The following VPS53 variants were observed in gnomAD, a reference collection of about 807,000 sequenced individuals.
The protein encoded by VPS53 is vacuolar protein sorting-associated protein 53 homolog.
VPS53 carries 70 observed loss-of-function variants against 107.0 expected under a neutral mutation model. That is an observed-to-expected ratio of 0.65 (90% CI 0.54 to 0.80). The LOEUF (loss-of-function observed/expected upper bound fraction) is 0.80, where lower values mean the gene tolerates loss of function less well. Among genes scored for constraint, VPS53 ranks in the 30% least tolerant of loss-of-function variants. The pLI, the probability that VPS53 is intolerant of heterozygous loss-of-function variation, is 0.00. For synonymous variants in VPS53, 409 were observed against 393.3 expected (o/e 1.04, Z -0.47); for missense variants, 917 against 1,049.4 (o/e 0.87, Z 1.74).
chr17:601,387 C>T (rs571530716), intron 12 of VPS53, among the ~76,000 whole-genome samples: 2 of 152,374 alleles, frequency 1.3e-5, no homozygotes, highest in East Asian at 3.9e-4. Context: ...TCAGCTTACA[C>T]TGCATGGAGG....
intron 4 of VPS53, among the ~76,000 whole-genome samples, chr17:669,284 C>T (rs1028081651): frequency 2.0e-5 from 3 of 152,138 alleles, no homozygotes; most frequent in Non-Finnish European, 4.4e-5. Context: ...TGTCCCTAGA[C>T]ACTTTTTAAA....
chr17:533,001 A>G (rs542521126), intron 18 of VPS53, 90 bp from the exon 19 acceptor site: 15 of 1,513,650 alleles, frequency 9.9e-6, no homozygotes, highest in Admixed American at 2.2e-5. Context: ...TCTCCATGAA[A>G]AAACCTTTTT....
At chr17:653,813 C>T (rs73281350) in intron 6 of VPS53, among the ~76,000 whole-genome samples, 3 of 152,080 alleles carry the variant, frequency 2.0e-5, no homozygotes, top group Non-Finnish European at 4.4e-5. Flanking sequence ...GACAGAGAAC[C>T]GGGGTAGGGA....
At chr17:598,374 G>C (rs534357448) in intron 12 of VPS53, among the ~76,000 whole-genome samples, 1 of 151,498 alleles carries the variant, frequency 6.6e-6, no homozygotes, top group Admixed American at 6.7e-5. Flanking sequence ...GCCTCTGCCC[G>C]GCCACCACCC....
intron 7 of VPS53, among the ~76,000 whole-genome samples, chr17:635,964 C>T (rs1484180953): frequency 1.4e-4 from 22 of 152,076 alleles, no homozygotes; most frequent in African/African-American, 4.3e-4. Flanking sequence ...GGGGATGGCA[C>T]TGAATCTATA....
intron 17 of VPS53, chr17:538,966 T>TTTTAAATGAGCTCA (rs1306762444): frequency 1.2e-4 from 19 of 152,334 alleles, no homozygotes; most frequent in Non-Finnish European, 2.5e-4. Context: ...TCCTGGGTGA[T>TTTTAAATGAGCTCA]TTTAAATGAG....
rs985583937 is a variant in VPS53 at position 519,329 on chromosome 17, G to A, written c.2329-31C>T. 1.2e-5 allele frequency: 17 copies of A among 1,452,394 alleles called. No individual in the cohort carries two copies. Among genetic ancestry groups the A allele is most frequent in the Admixed American group, 5.7e-5 (2 of 35,062 alleles). The allele number at this position is 1,452,394 out of a possible 1,614,324, so 90.0% of individuals were successfully genotyped here. The stretch of plus-strand genomic sequence containing the variant: ...GTTGAGAGAGAAACAGAACCGTCAC[G>A]AAGTCTGGGCCAGAATGGCCCACGG... On this transcript the variant is annotated intron_variant, in intron 21 of 21. Coordinates refer to ENST00000437048, the MANE Select transcript of VPS53 (RefSeq NM_001128159.3). The surrounding 1 kb of genome is among the most constrained non-coding windows in gnomAD (Gnocchi z 5.0).
chr17:714,741 G>C lies in VPS53; in HGVS notation c.-32C>G. 1 of 1,611,922 alleles carries C rather than the reference G, an allele frequency of 6.2e-7. No homozygotes were observed. Among genetic ancestry groups the C allele is most frequent in the South Asian group, 1.1e-5 (1 of 91,034 alleles). The stretch of plus-strand genomic sequence containing the variant: ...ACCCGGCCCCCTGCCGACCCCCGCC[G>C]CGAGCCCAACTCAGGCCTCCAGCCG... On this transcript the variant is annotated 5_prime_UTR_variant, in exon 1 of 22. Transcript: ENST00000437048.
chr17:591,151 C>G (rs956376863), intron 12 of VPS53, among the ~76,000 whole-genome samples: 3 of 152,178 alleles, frequency 2.0e-5, no homozygotes, highest in African/African-American at 7.2e-5. Context: ...TCTAGATTTT[C>G]TGGTTTATTT....
intron 2 of VPS53, among the ~76,000 whole-genome samples, chr17:701,644 A>G (rs746248019): frequency 3.3e-5 from 5 of 151,860 alleles, no homozygotes; most frequent in Admixed American, 6.6e-5. Context: ...CCAAAGTGCT[A>G]GGATTACAGG....
At chr17:538,736 G>A (rs1267874215) in intron 17 of VPS53, 1 of 152,142 alleles carries the variant, frequency 6.6e-6, no homozygotes, top group Admixed American at 6.5e-5. Context: ...CTTATGCAAG[G>A]TTTCATAACC....
intron 17 of VPS53, among the ~76,000 whole-genome samples, chr17:548,483 T>A (rs78381648): frequency 5.3e-4 from 59 of 112,056 alleles, no homozygotes; most frequent in South Asian, 1.9e-3. Context: ...CCTTCTGGAA[T>A]CATCCAACAA....
At chr17:651,197 C>T (rs984529790) in intron 7 of VPS53, among the ~76,000 whole-genome samples, 1 of 152,214 alleles carries the variant, frequency 6.6e-6, no homozygotes, top group African/African-American at 2.4e-5. Context: ...TAAATACACA[C>T]ACACAAATCC....
In VPS53 at chr17:521,745, A is replaced by G. The variant is rs1318753860; in HGVS notation, c.2086-7T>C. On this transcript the variant is annotated splice_region_variant and splice_polypyrimidine_tract_variant and intron_variant, in intron 19 of 21. Transcript: ENST00000437048. The stretch of plus-strand genomic sequence containing the variant: ...AGTGGGTGTCCAGCAGCAGCTGTGG[A>G]GCAAAGCAGAGAGCATTACCGGCCC... 3.3e-6 allele frequency: 5 copies of G among 1,537,530 alleles called. No individual in the cohort carries two copies. The Admixed American group carries it at 6.0e-5, about 18-fold the overall frequency.
intron 11 of VPS53, 92 bp from the exon 12 acceptor site, chr17:601,988 G>A (rs1272786458): frequency 2.2e-6 from 2 of 902,410 alleles, no homozygotes; most frequent in Non-Finnish European, 3.2e-6. Context: ...CTCCAACAAG[G>A]AAGTCATGCA....
At chr17:700,415 G>GGCTCAAGCAATCCTCCCACCCCAGCCTCC (rs1973154079) in intron 2 of VPS53, among the ~76,000 whole-genome samples, 22 of 152,134 alleles carry the variant, frequency 1.4e-4, no homozygotes, top group Admixed American at 1.0e-3. Context: ...GGCAGGCTTG[G>GGCTCAAGCAATCCTCCCACCCCAGCCTCC]TGGTGGGCAC....
intron 11 of VPS53, among the ~76,000 whole-genome samples, chr17:604,517 G>A (rs754563156): frequency 2.6e-5 from 4 of 152,208 alleles, no homozygotes; most frequent in East Asian, 3.8e-4. Flanking sequence ...CAGGCCACTC[G>A]CTCAGTGTCA....
At chr17:558,491 AG>A (rs1247250229) in intron 15 of VPS53, among the ~76,000 whole-genome samples, 1 of 152,070 alleles carries the variant, frequency 6.6e-6, no homozygotes, top group Non-Finnish European at 1.5e-5. Context: ...AAAATTAGCC[AG>A]GCGTGGTGAT....
At chr17:604,943 G>A (rs945248720) in intron 11 of VPS53, among the ~76,000 whole-genome samples, 4 of 152,166 alleles carry the variant, frequency 2.6e-5, no homozygotes, top group African/African-American at 9.7e-5. Context: ...ATGGAGATTA[G>A]AGTCTGCTGG....
Sources: gnomAD v4.1 joint callset for allele counts (sites outside exome capture counted in the v4.1 genomes callset) on GRCh38, gnomAD v4.1.1 for gene constraint, Gnocchi (gnomAD v3.1) non-coding constraint, MANE v1.5 for transcripts, NCBI Gene and HGNC (gene_info 2026-07-23, HGNC 2026-07-21) for gene names.